Variants in MYH10 observed in about 807,000 individuals in gnomAD.
MYH10 encodes the protein myosin heavy chain 10.
MYH10 carries 55 observed loss-of-function variants against 257.8 expected under a neutral mutation model. The ratio of observed to expected loss-of-function variants is 0.21; its 90% CI spans 0.17 to 0.27. The LOEUF is 0.27. Among genes scored for constraint, MYH10 ranks in the 10% least tolerant of loss-of-function variants. The pLI, the probability that MYH10 is intolerant of heterozygous loss-of-function variation, is 1.00. For synonymous variants in MYH10, 854 were observed against 921.7 expected (o/e 0.93, Z 1.33); for missense variants, 1,631 against 2,500.6 (o/e 0.65, Z 7.42).
intron 2 of MYH10, among the ~76,000 whole-genome samples, chr17:8,621,776 C>T (rs1263536629): frequency 6.6e-6 from 1 of 152,150 alleles, no homozygotes; most frequent in East Asian, 1.9e-4. Context: ...CAGCTTTTCT[C>T]GTGGCTAGCT....
At chr17:8,575,104 C>T (rs933647115) in intron 6 of MYH10, among the ~76,000 whole-genome samples, 1 of 152,198 alleles carries the variant, frequency 6.6e-6, no homozygotes, top group African/African-American at 2.4e-5. Context: ...TCGGCAATGA[C>T]CGGGAAGCAT....
At chr17:8,489,730 C>CACACACACACACACACAG (rs1915458788) in intron 35 of MYH10, among the ~76,000 whole-genome samples, 1 of 151,726 alleles carries the variant, frequency 6.6e-6, no homozygotes, top group African/African-American at 2.4e-5. Context: ...CACACACACA[C>CACACACACACACACACAG]ACACACACAC....
chr17:8,484,861 A>G (rs6503122), intron 36 of MYH10, among the ~76,000 whole-genome samples: 143,426 of 152,302 alleles, frequency 0.94, 68,114 homozygotes, highest in East Asian at 1. Flanking sequence ...TTAAGGATCA[A>G]TGACCAAATG....
In MYH10 at chr17:8,545,625, T is replaced by C. The variant is rs754220755; in HGVS notation, c.1279-25A>G. 3.1e-6 allele frequency: 5 copies of C among 1,601,804 alleles called. No individual in the cohort carries two copies. The African/African-American group carries it at 4.1e-5, about 13-fold the overall frequency. On this transcript the variant is annotated intron_variant, in intron 12 of 42. Coordinates refer to ENST00000360416, the MANE Select transcript of MYH10 (RefSeq NM_001256012.3). This position sits in a 1 kb window ranked among gnomAD's most constrained non-coding sequence, Gnocchi z 4.7. ...CCTGTAATTAAATCACAACAACCTT[T>C]TATTCTGGAAACAATCTCAACAAAG...
chr17:8,563,994 A>T (rs1053549911), intron 7 of MYH10, among the ~76,000 whole-genome samples: 3 of 152,184 alleles, frequency 2.0e-5, no homozygotes, highest in Admixed American at 1.3e-4. Flanking sequence ...GTGAGGGAAG[A>T]TGTACCTGCT....
At chr17:8,566,938 G>T (rs767373386) in intron 7 of MYH10, among the ~76,000 whole-genome samples, 2 of 152,128 alleles carry the variant, frequency 1.3e-5, no homozygotes, top group African/African-American at 2.4e-5. Flanking sequence ...GGGCCACTGA[G>T]CACCAAAACT....
chr17:8,613,957 AAAC>A (rs1296554156), intron 2 of MYH10, among the ~76,000 whole-genome samples: 2 of 152,236 alleles, frequency 1.3e-5, no homozygotes, highest in African/African-American at 2.4e-5. Flanking sequence ...TTTTGCAAGA[AAAC>A]AACATCACTA....
chr17:8,625,541 G>A (rs966160497), intron 1 of MYH10, among the ~76,000 whole-genome samples: 15 of 151,494 alleles, frequency 9.9e-5, no homozygotes, highest in Admixed American at 2.6e-4. Flanking sequence ...TGCAGTGGAC[G>A]CAATCTCAGC....
chr17:8,501,110 G>T, intron 28 of MYH10, 140 bp from the exon 29 acceptor site: 2 of 924,494 alleles, frequency 2.2e-6, no homozygotes, highest in Non-Finnish European at 3.2e-6. Flanking sequence ...TTTCCAGTAG[G>T]CTGGCAGGTC....
chr17:8,619,220 C>G (rs1276827092), intron 2 of MYH10, among the ~76,000 whole-genome samples: 1 of 152,162 alleles, frequency 6.6e-6, no homozygotes, highest in Non-Finnish European at 1.5e-5. Context: ...ATTTTTCCTG[C>G]TTTACCAAGG....
At chr17:8,532,012 C>G (rs1276064363) in intron 16 of MYH10, among the ~76,000 whole-genome samples, 1 of 152,186 alleles carries the variant, frequency 6.6e-6, no homozygotes, top group African/African-American at 2.4e-5. Context: ...AAACATGGTA[C>G]TGCTTCTCTG....
chr17:8,548,414 T>C lies in MYH10; in HGVS notation c.1064-6A>G. 6.7e-7 allele frequency: 1 copy of C among 1,501,520 alleles called. No homozygotes were observed. The highest frequency in any genetic ancestry group is 1.2e-5 in the South Asian group (1 of 82,668). 93.0% of individuals were successfully genotyped at this position (1,501,520 alleles called of 1,614,324 possible). On this transcript the variant is annotated splice_polypyrimidine_tract_variant and splice_region_variant and intron_variant, in intron 10 of 42. Transcript: ENST00000360416. ...AGATACTACTTTAAGCATTGCTTCA[T>C]ATTGATAAAAAGAAAAAAAAAATTA...
chr17:8,582,084 A>G (rs2083727095), intron 4 of MYH10, among the ~76,000 whole-genome samples: 1 of 152,242 alleles, frequency 6.6e-6, no homozygotes, highest in Non-Finnish European at 1.5e-5. Context: ...ATCAATGATG[A>G]TGATGATGAA....
rs1318382150 is a variant in MYH10, at chr17:8,611,296, G to GCCTC, written c.346-6315_346-6314insGAGG. ...TGTCCTAGTTTCCCTAAGCCTGCCTGCCCAAAGCAAAACTCTAGAATAAGC... is the reference window on the plus strand; with the variant it reads ...TGTCCTAGTTTCCCTAAGCCTGCCTGCCTCCCCAAAGCAAAACTCTAGAATAAGC... On this transcript the variant is annotated intron_variant, in intron 2 of 42. Coordinates refer to ENST00000360416, the MANE Select transcript of MYH10 (RefSeq NM_001256012.3). Among the ~76,000 whole-genome samples, 5 of 152,182 alleles carry GCCTC rather than the reference G, an allele frequency of 3.3e-5. No individual in the cohort carries two copies. In the East Asian group the frequency reaches 9.6e-4, roughly 29 times the overall value.
chr17:8,628,049 C>T (rs1461461440), intron 1 of MYH10, among the ~76,000 whole-genome samples: 2 of 152,126 alleles, frequency 1.3e-5, no homozygotes, highest in African/African-American at 4.8e-5. Context: ...TATATACTAC[C>T]TTTCTACTAA....
At chr17:8,623,671 T>C (rs192924673) in intron 1 of MYH10, among the ~76,000 whole-genome samples, 12 of 149,412 alleles carry the variant, frequency 8.0e-5, no homozygotes, top group Admixed American at 8.0e-4. Context: ...GGTACCAGAA[T>C]TAATATGACC....
At chr17:8,542,862 G>A (rs2082328607) in intron 13 of MYH10, among the ~76,000 whole-genome samples, 1 of 152,178 alleles carries the variant, frequency 6.6e-6, no homozygotes, top group South Asian at 2.1e-4. Flanking sequence ...CGCTTAGTAT[G>A]AGACTCTCTA....
rs1468460161 is a variant in MYH10 at position 8,545,644 on chromosome 17, A to G, written c.1279-44T>C. ...AACCTTTTATTCTGGAAACAATCTC[A>G]ACAAAGCATAAATAGCTGTTTTACG... On this transcript the variant is annotated intron_variant, in intron 12 of 42. Coordinates refer to ENST00000360416, the MANE Select transcript of MYH10 (RefSeq NM_001256012.3). This position sits in a 1 kb window ranked among gnomAD's most constrained non-coding sequence, Gnocchi z 4.7. 1 of 1,572,488 alleles carries G rather than the reference A, an allele frequency of 6.4e-7. No homozygotes were observed. The highest frequency in any genetic ancestry group is 1.4e-5 in the African/African-American group (1 of 73,060).
Position 8,490,285 on chromosome 17 carries a change from G to C in MYH10, c.4884+55C>G. The stretch of plus-strand genomic sequence containing the variant: ...CGAATGAACAGGATACTGACCCAGA[G>C]CTGGGCTTTGAGAGCCTGCACCCCT... On this transcript the variant is annotated intron_variant, in intron 35 of 42. Transcript: ENST00000360416. The surrounding 1 kb of genome is among the most constrained non-coding windows in gnomAD (Gnocchi z 4.1). 4 of 1,515,390 alleles carry C rather than the reference G, an allele frequency of 2.6e-6. No homozygotes were observed. Among genetic ancestry groups the C allele is most frequent in the Non-Finnish European group, 3.6e-6 (4 of 1,096,224 alleles). The allele number at this position is 1,515,390 out of a possible 1,614,324, so 93.9% of individuals were successfully genotyped here.
Sources: allele counts gnomAD v4.1 joint callset (sites outside exome capture counted in the v4.1 genomes callset), GRCh38; gene constraint gnomAD v4.1.1; non-coding constraint Gnocchi (gnomAD v3.1); transcripts MANE v1.5; gene names NCBI Gene and HGNC (gene_info 2026-07-23, HGNC 2026-07-21).